RHOXF1: variants seen among roughly 807,000 people sequenced by gnomAD.
The protein encoded by RHOXF1 is Rhox homeobox family member 1.
In RHOXF1, 1 loss-of-function variant was observed where a neutral mutation model predicts 9.7. That is an observed-to-expected ratio of 0.10 (90% CI 0.04 to 0.49). The LOEUF (loss-of-function observed/expected upper bound fraction) is 0.49. Ranked by LOEUF, RHOXF1 falls within the 20% of genes least tolerant of loss-of-function variation. The probability of loss-of-function intolerance (pLI) is 0.95; values close to 1 mark genes in which losing one functional copy is unlikely to be tolerated. For missense variants in RHOXF1, 179 were observed against 168.0 expected (o/e 1.07, Z -0.36); for synonymous variants, 72 against 70.2 (o/e 1.03, Z -0.13).
intron 1 of RHOXF1, among the ~76,000 whole-genome samples, chrX:120,114,025 G>A (rs781900062): frequency 9.1e-6 from 1 of 109,905 alleles, no homozygotes; most frequent in South Asian, 4.0e-4. Flanking sequence ...TTGAACCCAG[G>A]AAGCAAATGT....
At chrX:120,109,571 A>ATTATTTATTTATTTATTTAT (rs781846625) in intron 2 of RHOXF1, among the ~76,000 whole-genome samples, 7 of 107,228 alleles carry the variant, frequency 6.5e-5, no homozygotes, top group African/African-American at 2.1e-4. Flanking sequence ...TTATTTATTT[A>ATTATTTATTTATTTATTTAT]TTATTTATTT....
rs1555999440 is a variant in RHOXF1, at chrX:120,109,282, C to T, written c.465G>A (p.Arg155=). 2 of 1,180,287 alleles carry T rather than the reference C, an allele frequency of 1.7e-6. No homozygotes were observed. Among genetic ancestry groups the T allele is most frequent in the South Asian group, 3.7e-5 (2 of 53,622 alleles). The change falls in exon 3 of 3, where the codon AGG becomes AGA. Residue 155 remains arginine (R), a synonymous_variant. Coordinates refer to ENST00000217999, the MANE Select transcript of RHOXF1 (RefSeq NM_139282.3). ...CTCTCTGATGTCGCCTACATCTGGC[C>T]CTTTTATTCTTAAACCAAACCTACA... The part of the protein sequence containing the change: ...DKVRVWFKNK[R]ARCRRHQREL...
At position 120,115,881 on chromosome X, in the gene RHOXF1, CT is replaced by C. The variant is rs782562643; in HGVS notation, c.-20del. 2.6e-6 allele frequency: 3 copies of C among 1,144,187 alleles called. No homozygotes were observed. In the South Asian group the frequency reaches 6.1e-5, roughly 23 times the overall value. 94.3% of individuals were successfully genotyped at this position (1,144,187 alleles called of 1,213,427 possible). On this transcript the variant is annotated 5_prime_UTR_variant, in exon 1 of 3. Coordinates refer to ENST00000217999, the MANE Select transcript of RHOXF1 (RefSeq NM_139282.3). ...GCGCCATGGCTGGAGCGCTGCGCCCCTGCACAAACTCCGTGGCGTCTGCAGC... is the reference window on the plus strand; with the variant it reads ...GCGCCATGGCTGGAGCGCTGCGCCCCGCACAAACTCCGTGGCGTCTGCAGC...
upstream of RHOXF1, among the ~76,000 whole-genome samples, chrX:120,119,204 C>G (rs782216532): frequency 2.7e-5 from 3 of 112,084 alleles, no homozygotes; most frequent in Admixed American, 1.9e-4. Flanking sequence ...AATTAATCCT[C>G]AAAACACCTC....
rs782699512 is a variant in RHOXF1, at chrX:120,115,841, C to T, written c.22G>A (p.Asp8Asn). Residue 8 changes from aspartate (D) to asparagine (N), a missense_variant, in exon 1 of 3, where the codon GAC (aspartate) becomes AAC (asparagine). Transcript: ENST00000217999. Reference sequence around the variant, plus strand: ...ACACTCAGGCAGTAGAACACGGTGTCGTGGACGAGCGAACGCGCCATGGCT... The same window carrying T: ...ACACTCAGGCAGTAGAACACGGTGTTGTGGACGAGCGAACGCGCCATGGCT... Reference protein sequence around the residue: MARSLVHDTVFYCLSVYQ... With the variant: MARSLVHNTVFYCLSVYQ... The T allele has an allele frequency of 8.5e-7, 1 of 1,181,117 alleles. No homozygotes were observed. Among genetic ancestry groups the T allele is most frequent in the Non-Finnish European group, 1.1e-6 (1 of 885,356 alleles).
upstream of RHOXF1, chrX:120,116,016 G>T: frequency 6.4e-6 from 1 of 156,338 alleles, no homozygotes; most frequent in Non-Finnish European, 9.7e-6. Context: ...AGGGAATGGA[G>T]AGGAGTGGGG....
At chrX:120,112,481 G>GTATAATATATAATACACA (rs2057272552) in intron 2 of RHOXF1, among the ~76,000 whole-genome samples, 3 of 33,144 alleles carry the variant, frequency 9.1e-5, no homozygotes, top group African/African-American at 2.6e-4. Flanking sequence ...ACACATATAT[G>GTATAATATATAATACACA]TGTTATATAT....
chrX:120,116,405 T>C (rs1464851592), upstream of RHOXF1: 1 of 108,827 alleles, frequency 9.2e-6, no homozygotes, highest in Non-Finnish European at 1.9e-5. Context: ...GAGGCATATA[T>C]GTATGCAACA....
In RHOXF1 at chrX:120,112,917, G is replaced by A. The variant is rs1211919874; in HGVS notation, c.399-3C>T. The A allele has an allele frequency of 8.6e-7, 1 of 1,164,687 alleles. No homozygotes were observed. The highest frequency in any genetic ancestry group is 1.8e-5 in the African/African-American group (1 of 56,943). On this transcript the variant is annotated splice_polypyrimidine_tract_variant and splice_region_variant and intron_variant, in intron 1 of 2. Transcript: ENST00000217999. ...CTAAGTTTTCGGCAAGTTCCCTTCT[G>A]TGGAGAGAAGATCACACATGGTTAG...
At chrX:120,113,443 T>C (rs925718533) in intron 1 of RHOXF1, among the ~76,000 whole-genome samples, 10 of 109,893 alleles carry the variant, frequency 9.1e-5, no homozygotes, top group African/African-American at 3.0e-4. Flanking sequence ...AATAATTTAA[T>C]GCATTATTAT....
chrX:120,116,674 A>C (rs1252151401), upstream of RHOXF1, among the ~76,000 whole-genome samples: 1 of 111,112 alleles, frequency 9.0e-6, no homozygotes, highest in East Asian at 2.8e-4. Flanking sequence ...CTGAAAGCAG[A>C]GCTGCCATGC....
At chrX:120,113,932 C>CA (rs782704216) in intron 1 of RHOXF1, among the ~76,000 whole-genome samples, 15 of 107,873 alleles carry the variant, frequency 1.4e-4, no homozygotes, top group Admixed American at 1.2e-3. Flanking sequence ...TCTCTACACA[C>CA]AAAAAAAATA....
At position 120,115,852 on chromosome X, in the gene RHOXF1, G is replaced by A. The variant is rs1556000513; in HGVS notation, c.11C>T (p.Ser4Leu). MAR[S>L]LVHDTVFYCL... ...GTAGAACACGGTGTCGTGGACGAGC[G>A]AACGCGCCATGGCTGGAGCGCTGCG... The change falls in exon 1 of 3, where the codon TCG becomes TTG. Residue 4 changes from serine (S) to leucine (L), a missense_variant. Ser to Leu is a moderately radical substitution (Grantham distance 145). Transcript: ENST00000217999. 14 of 1,179,025 alleles carry A rather than the reference G, an allele frequency of 1.2e-5. No individual in the cohort carries two copies. Among genetic ancestry groups the A allele is most frequent in the South Asian group, 1.9e-5 (1 of 53,296 alleles).
upstream of RHOXF1, among the ~76,000 whole-genome samples, chrX:120,118,349 G>A (rs782092379): frequency 7.2e-5 from 8 of 111,548 alleles, no homozygotes; most frequent in Admixed American, 6.6e-4. Context: ...TTTAAGGTTC[G>A]GTCTCTGTAA....
chrX:120,111,741 T>G (rs1302312442), intron 2 of RHOXF1, among the ~76,000 whole-genome samples: 1 of 112,311 alleles, frequency 8.9e-6, no homozygotes, highest in Non-Finnish European at 1.9e-5. Context: ...AACAGTCACT[T>G]AAACATTTAG....
At position 120,115,455 on chromosome X, in the gene RHOXF1, G is replaced by C; in HGVS notation, c.398+10C>G. On this transcript the variant is annotated intron_variant, in intron 1 of 2. Coordinates refer to ENST00000217999, the MANE Select transcript of RHOXF1 (RefSeq NM_139282.3). The stretch of plus-strand genomic sequence containing the variant: ...TGGAGATCTCGTGGCTCCTGGAGCA[G>C]GCCACTTACCTTGTGGGCACATCAG... 2.8e-6 allele frequency: 3 copies of C among 1,087,322 alleles called. No homozygotes were observed. The highest frequency in any genetic ancestry group is 3.6e-6 in the Non-Finnish European group (3 of 835,714). 89.6% of individuals were successfully genotyped at this position (1,087,322 alleles called of 1,213,427 possible).
intron 2 of RHOXF1, 138 bp downstream of exon 2, chrX:120,112,731 T>G (rs1484736633): frequency 9.8e-6 from 4 of 408,205 alleles, no homozygotes; most frequent in Non-Finnish European, 1.7e-5. Flanking sequence ...ACTTCAAAAC[T>G]TATTTGTCAA....
chrX:120,116,896 AAAAT>A (rs782677038), upstream of RHOXF1, among the ~76,000 whole-genome samples: 9 of 111,780 alleles, frequency 8.1e-5, no homozygotes, highest in Non-Finnish European at 1.7e-4. Context: ...GGACAAGCAA[AAAAT>A]AAATAAATAA....
At chrX:120,115,970 C>A (rs1340155979), upstream of RHOXF1, 1 of 695,052 alleles carries the variant, frequency 1.4e-6, no homozygotes, top group East Asian at 4.0e-5. Context: ...GTTACAGTTG[C>A]AATGAGTGGG....
Sources: gnomAD v4.1 joint callset for allele counts (sites outside exome capture counted in the v4.1 genomes callset) on GRCh38, gnomAD v4.1.1 for gene constraint, MANE v1.5 for transcripts, NCBI Gene and HGNC (gene_info 2026-07-23, HGNC 2026-07-21) for gene names.